ATP2C1: variants seen among roughly 807,000 people sequenced by gnomAD.
The protein encoded by ATP2C1 is ATPase secretory pathway Ca2+ transporting 1.
A neutral mutation model predicts 120.5 loss-of-function variants in ATP2C1; 31 were observed. The observed-to-expected ratio is 0.26, with a 90% CI of 0.19 to 0.35. ATP2C1 has a LOEUF of 0.35. ATP2C1 is among the 10% of genes least tolerant of loss of function. ATP2C1 has a pLI of 1.00. For missense variants in ATP2C1, 731 were observed against 1,107.5 expected, an observed-to-expected ratio of 0.66 and a Z score of 4.83; for synonymous variants, 351 against 358.7, an observed-to-expected ratio of 0.98 and a Z score of 0.24.
intron 1 of ATP2C1, among the ~76,000 whole-genome samples, chr3:130,857,530 T>C (rs2067881071): frequency 1.3e-5 from 2 of 152,242 alleles, no homozygotes; most frequent in East Asian, 3.8e-4. Flanking sequence ...TCATTACTTC[T>C]TGCCTGAAAT....
chr3:130,997,370 T>A (rs1321457394), intron 24 of ATP2C1, among the ~76,000 whole-genome samples: 1 of 152,172 alleles, frequency 6.6e-6, no homozygotes, highest in Non-Finnish European at 1.5e-5. Flanking sequence ...TTGGATGGTT[T>A]TTTGAAAGTT....
chr3:130,956,098 A>T lies in ATP2C1; in HGVS notation c.757-6A>T. The T allele has an allele frequency of 6.3e-7, 1 of 1,599,958 alleles. No individual in the cohort carries two copies. Among genetic ancestry groups the T allele is most frequent in the Non-Finnish European group, 8.6e-7 (1 of 1,167,626 alleles). ...TTGTGGTGACACTCTTCTTCAATTT[A>T]TCAAGGCACCAAAAACCCCTCTGCA... is the stretch of plus-strand genomic sequence containing the variant. On this transcript the variant is annotated splice_polypyrimidine_tract_variant and splice_region_variant and intron_variant, in intron 10 of 27. Transcript: ENST00000510168.
At chr3:130,998,431 C>T in intron 26 of ATP2C1, 42 bp downstream of exon 26, 1 of 1,412,674 alleles carries the variant, frequency 7.1e-7, no homozygotes, top group South Asian at 1.1e-5. Flanking sequence ...GATTGACTCA[C>T]TTGAGTAGAG....
intron 12 of ATP2C1, among the ~76,000 whole-genome samples, chr3:130,962,734 AAAAG>A (rs1180757226): frequency 1.8e-4 from 25 of 138,870 alleles, no homozygotes; most frequent in African/African-American, 6.3e-4. Flanking sequence ...AAAAAAAAAG[AAAAG>A]AAAAAAGAAA....
intron 2 of ATP2C1, among the ~76,000 whole-genome samples, chr3:130,916,577 T>C (rs971162368): frequency 3.3e-5 from 5 of 152,128 alleles, no homozygotes; most frequent in Non-Finnish European, 7.4e-5. Context: ...AAAGCCATTA[T>C]GTATTGCTGC....
At chr3:130,949,438 A>G (rs939311022) in intron 8 of ATP2C1, among the ~76,000 whole-genome samples, 1 of 152,178 alleles carries the variant, frequency 6.6e-6, no homozygotes, top group Non-Finnish European at 1.5e-5. Flanking sequence ...CTGCCAAAGA[A>G]AAGTTTGAAG....
intron 17 of ATP2C1, among the ~76,000 whole-genome samples, chr3:130,974,406 T>C (rs977082855): frequency 1.3e-5 from 2 of 152,156 alleles, no homozygotes; most frequent in East Asian, 3.9e-4. Context: ...GGTAGAAGAA[T>C]AGGAAATTGT....
chr3:131,015,091 G>A, intron 26 of ATP2C1: 2 of 558,906 alleles, frequency 3.6e-6, no homozygotes, highest in Non-Finnish European at 6.3e-6. Flanking sequence ...GAATCCAGGG[G>A]TCAAAGGCCA....
intron 2 of ATP2C1, chr3:130,918,720 G>T (rs191049968): frequency 1.2e-5 from 5 of 432,390 alleles, no homozygotes; most frequent in African/African-American, 2.0e-5. Context: ...GGCCGGGCGC[G>T]GTGGCTCACG....
In ATP2C1 at chr3:130,894,112, C is replaced by T. The variant is rs553708590; in HGVS notation, c.-406C>T. ...CCAGCACGGCCTCGCGGAGCCGGCC[C>T]GGCGGACCGTGACGGGTCCCCTCAC... On this transcript the variant is annotated 5_prime_UTR_variant, in exon 1 of 28. Transcript: ENST00000510168. This position sits in a 1 kb window ranked among gnomAD's most constrained non-coding sequence, Gnocchi z 4.5. 3.1e-5 allele frequency: 30 copies of T among 972,338 alleles called. No homozygotes were observed. The South Asian group carries it at 1.2e-3, about 40-fold the overall frequency. 60.2% of individuals were successfully genotyped at this position (972,338 alleles called of 1,614,324 possible). A position where few individuals can be genotyped will look rare whatever the true frequency, so the allele number is the denominator to read the frequency against.
At chr3:130,851,372 T>C (rs1317680479) in intron 1 of ATP2C1, among the ~76,000 whole-genome samples, 1 of 152,220 alleles carries the variant, frequency 6.6e-6, no homozygotes, top group Non-Finnish European at 1.5e-5. Flanking sequence ...ATAATAACCT[T>C]AAACAGATCA....
Position 130,996,115 on chromosome 3 carries a change from A to C in ATP2C1, c.2126+4A>C. 6.2e-7 allele frequency: 1 copy of C among 1,604,748 alleles called. No homozygotes were observed. Among genetic ancestry groups the C allele is most frequent in the Non-Finnish European group, 8.5e-7 (1 of 1,171,452 alleles). On this transcript the variant is annotated splice_donor_region_variant and intron_variant, in intron 23 of 27. Coordinates refer to ENST00000510168, the MANE Select transcript of ATP2C1 (RefSeq NM_001378687.1). ...TCGTTAGATTCCAGCTGAGCACGTA[A>C]GTTTGCAAGAAATTTGTCACCATGG...
rs759121122 is a variant in ATP2C1, at chr3:131,014,311, T to C, written c.2630-1841T>C. 1.9e-6 allele frequency: 3 copies of C among 1,614,048 alleles called. No homozygotes were observed. Among genetic ancestry groups the C allele is most frequent in the East Asian group, 4.5e-5 (2 of 44,886 alleles). ...TAAAGTTGCTTAGCCTCAGGACATA[T>C]GCTCAGGAGACTTTCTACAGAGGTC... On this transcript the variant is annotated intron_variant, in intron 26 of 26. Transcript: ENST00000328560.
At chr3:130,911,120 T>C (rs1000104033) in intron 2 of ATP2C1, among the ~76,000 whole-genome samples, 3 of 150,530 alleles carry the variant, frequency 2.0e-5, no homozygotes, top group African/African-American at 7.4e-5. Context: ...TTGCCACAAT[T>C]TCAGCTCCTG....
chr3:130,864,306 C>T (rs770579732), intron 1 of ATP2C1, among the ~76,000 whole-genome samples: 1 of 152,142 alleles, frequency 6.6e-6, no homozygotes, highest in South Asian at 2.1e-4. Context: ...GGGTATCTGA[C>T]AGAAAAAATT....
At position 130,934,634 on chromosome 3, in the gene ATP2C1, CTTA is replaced by C; in HGVS notation, c.252_254del (p.Ile84del). On this transcript the variant is annotated inframe_deletion, in exon 5 of 28. Coordinates refer to ENST00000510168, the MANE Select transcript of ATP2C1 (RefSeq NM_001378687.1). ...TTTTTACTTTCAGTTTAAAAATCCC[CTTA>C]TTATGCTGCTTCTGGCTTCTGCAGT... is the stretch of plus-strand genomic sequence containing the variant. The C allele has an allele frequency of 1.2e-6, 2 of 1,611,676 alleles. No homozygotes were observed. The highest frequency in any genetic ancestry group is 1.7e-6 in the Non-Finnish European group (2 of 1,178,180).
intron 5 of ATP2C1, among the ~76,000 whole-genome samples, chr3:130,936,108 G>C (rs982185135): frequency 6.6e-6 from 1 of 152,058 alleles, no homozygotes; most frequent in African/African-American, 2.4e-5. Flanking sequence ...AATAATTAGG[G>C]TTTTGGAAAA....
intron 7 of ATP2C1, among the ~76,000 whole-genome samples, chr3:130,941,068 C>T (rs2059878904): frequency 6.6e-6 from 1 of 151,756 alleles, no homozygotes; most frequent in Non-Finnish European, 1.5e-5. Flanking sequence ...GTGCCTGCCA[C>T]CACGCCCAGA....
At chr3:130,949,965 G>A (rs1000066208) in intron 8 of ATP2C1, among the ~76,000 whole-genome samples, 78 of 152,074 alleles carry the variant, frequency 5.1e-4, no homozygotes, top group African/African-American at 1.8e-3. Context: ...TTCTAGACTC[G>A]AGAGGTGATT....
Sources: allele counts gnomAD v4.1 joint callset (sites outside exome capture counted in the v4.1 genomes callset), GRCh38; gene constraint gnomAD v4.1.1; non-coding constraint Gnocchi (gnomAD v3.1); transcripts MANE v1.5; gene names NCBI Gene and HGNC (gene_info 2026-07-23, HGNC 2026-07-21).